Variants in SLC25A21 observed in about 807,000 individuals in gnomAD.
SLC25A21 encodes solute carrier family 25 member 21.
SLC25A21 carries 47 observed loss-of-function variants against 43.8 expected under a neutral mutation model. The ratio of observed to expected loss-of-function variants is 1.07; its 90% confidence interval spans 0.85 to 1.37. The LOEUF is 1.37. Ranked by LOEUF, SLC25A21 falls within the 40% of genes most tolerant of loss-of-function variation. SLC25A21 has a pLI of 0.00. For synonymous variants in SLC25A21, 131 were observed against 121.3 expected, an observed-to-expected ratio of 1.08 and a Z score of -0.52; for missense variants, 352 against 350.2, an observed-to-expected ratio of 1.00 and a Z score of -0.04.
intron 1 of SLC25A21, among the ~76,000 whole-genome samples, chr14:37,019,887 T>C (rs1960947223): frequency 6.6e-6 from 1 of 151,740 alleles, no homozygotes; most frequent in East Asian, 1.9e-4. Context: ...AGATGTAAGA[T>C]ATAGATGGAA....
At chr14:36,844,573 T>G (rs1432078240) in intron 2 of SLC25A21, among the ~76,000 whole-genome samples, 1 of 152,146 alleles carries the variant, frequency 6.6e-6, no homozygotes, top group African/African-American at 2.4e-5. Flanking sequence ...AGGCAGGAGT[T>G]AAAATGTTGA....
At chr14:36,854,800 C>T (rs1051304247) in intron 2 of SLC25A21, among the ~76,000 whole-genome samples, 2 of 151,920 alleles carry the variant, frequency 1.3e-5, no homozygotes, top group Admixed American at 6.6e-5. Context: ...AGTCTGGACT[C>T]GATATTATCA....
At chr14:37,035,388 ACG>A (rs1048809836) in intron 1 of SLC25A21, among the ~76,000 whole-genome samples, 26 of 152,246 alleles carry the variant, frequency 1.7e-4, no homozygotes, top group African/African-American at 6.3e-4. Context: ...TGTTTTCTTC[ACG>A]AGAGTAGCTA....
intron 1 of SLC25A21, among the ~76,000 whole-genome samples, chr14:37,097,589 A>G (rs755756565): frequency 1.3e-5 from 2 of 152,186 alleles, no homozygotes; most frequent in Non-Finnish European, 2.9e-5. Flanking sequence ...GATTCAGACA[A>G]AAATAATATC....
At chr14:37,094,992 T>G (rs1962659651) in intron 1 of SLC25A21, among the ~76,000 whole-genome samples, 1 of 152,122 alleles carries the variant, frequency 6.6e-6, no homozygotes, top group Non-Finnish European at 1.5e-5. Flanking sequence ...AAAAAGTAAG[T>G]ATGTGAAATG....
chr14:36,921,243 T>G (rs780611767), intron 1 of SLC25A21, among the ~76,000 whole-genome samples: 1 of 152,162 alleles, frequency 6.6e-6, no homozygotes, highest in African/African-American at 2.4e-5. Flanking sequence ...CAAGTCATAT[T>G]CTGTACCATA....
intron 2 of SLC25A21, among the ~76,000 whole-genome samples, chr14:36,829,631 G>A (rs149701797): frequency 4.6e-5 from 7 of 152,138 alleles, no homozygotes; most frequent in Non-Finnish European, 7.4e-5. Context: ...TTGGAGTGCC[G>A]TCTGTTTCTC....
intron 7 of SLC25A21, among the ~76,000 whole-genome samples, 167 bp from the exon 8 acceptor site, chr14:36,685,092 C>G (rs1231631669): frequency 1.3e-5 from 2 of 152,180 alleles, no homozygotes; most frequent in Non-Finnish European, 2.9e-5. Flanking sequence ...GTTTTCTTGA[C>G]AATCCCATTG....
intron 2 of SLC25A21, among the ~76,000 whole-genome samples, chr14:36,843,118 C>T (rs896405218): frequency 2.0e-5 from 3 of 151,942 alleles, no homozygotes; most frequent in Non-Finnish European, 2.9e-5. Flanking sequence ...CATTCACCTG[C>T]TGCTCATCTC....
chr14:36,879,362 A>G lies in SLC25A21; in HGVS notation c.71-4358T>C, dbSNP rs148381723. ...ACAAGTAAACAAGAATTACTATTAG[A>G]TTTGTTTAAACTAGACAAAATACTG... is the stretch of plus-strand genomic sequence containing the variant. On this transcript the variant is annotated intron_variant, in intron 1 of 9. Transcript: ENST00000331299. Among the ~76,000 whole-genome samples, 121 of 152,318 alleles carry G rather than the reference A, an allele frequency of 7.9e-4. 2 individuals are homozygous for G. The East Asian group carries it at 9.8e-3, about 12-fold the overall frequency.
chr14:37,094,034 G>A (rs1307483401), intron 1 of SLC25A21, among the ~76,000 whole-genome samples: 2 of 152,074 alleles, frequency 1.3e-5, no homozygotes, highest in African/African-American at 4.8e-5. Flanking sequence ...TAGCATAAAT[G>A]GGTCATGTCT....
intron 1 of SLC25A21, among the ~76,000 whole-genome samples, chr14:37,155,793 T>C (rs954976719): frequency 2.6e-5 from 4 of 152,158 alleles, no homozygotes; most frequent in African/African-American, 7.2e-5. Flanking sequence ...TACCATTAGA[T>C]TGGACCTAGA....
intron 1 of SLC25A21, among the ~76,000 whole-genome samples, chr14:37,155,252 A>G (rs2138940483): frequency 6.6e-6 from 1 of 152,246 alleles, no homozygotes; most frequent in East Asian, 1.9e-4. Context: ...GTATTTTTGA[A>G]GAGACTTGAA....
chr14:36,782,262 T>C (rs1031320052), intron 3 of SLC25A21, among the ~76,000 whole-genome samples: 1 of 152,220 alleles, frequency 6.6e-6, no homozygotes, highest in Non-Finnish European at 1.5e-5. Flanking sequence ...TACCTGGATA[T>C]CCACATCTTG....
At chr14:36,958,661 G>A (rs12431852) in intron 1 of SLC25A21, among the ~76,000 whole-genome samples, 55,850 of 148,326 alleles carry the variant, frequency 0.38, 10,505 homozygotes, top group South Asian at 0.49. Flanking sequence ...GTGTAGAGAT[G>A]TACACATAAG....
intron 3 of SLC25A21, among the ~76,000 whole-genome samples, chr14:36,801,454 C>A (rs1887866394): frequency 6.6e-6 from 1 of 152,174 alleles, no homozygotes; most frequent in Non-Finnish European, 1.5e-5. Context: ...TCCCCCAACA[C>A]TTCCCACAAG....
At chr14:36,970,575 AC>A (rs1237995017) in intron 1 of SLC25A21, among the ~76,000 whole-genome samples, 1 of 152,242 alleles carries the variant, frequency 6.6e-6, no homozygotes, top group African/African-American at 2.4e-5. Context: ...GAATGGCATT[AC>A]TAATTACCTC....
chr14:36,757,743 A>C (rs904041419), intron 3 of SLC25A21, among the ~76,000 whole-genome samples: 1 of 152,218 alleles, frequency 6.6e-6, no homozygotes, highest in Non-Finnish European at 1.5e-5. Flanking sequence ...ACCTCCAGAA[A>C]TGGACTGGTG....
rs544661935 is a variant in SLC25A21 at position 36,764,472 on chromosome 14, C to T, written c.204-29899G>A. Among the ~76,000 whole-genome samples, 35 of 146,262 alleles carry T rather than the reference C, an allele frequency of 2.4e-4. No homozygotes were observed. In the South Asian group the frequency reaches 5.4e-3, roughly 22 times the overall value. On this transcript the variant is annotated intron_variant, in intron 3 of 9. Transcript: ENST00000331299. ...TGAGATTGAAGCACAAGCTGCCACG[C>T]GTGAAGAACGAGGTAATAGTAACAG...
Sources: gnomAD v4.1 joint callset for allele counts (sites outside exome capture counted in the v4.1 genomes callset) on GRCh38, gnomAD v4.1.1 for gene constraint, MANE v1.5 for transcripts, NCBI Gene and HGNC (gene_info 2026-07-23, HGNC 2026-07-21) for gene names.